Variants in FRYL observed in about 807,000 individuals in gnomAD.
The protein encoded by FRYL is FRY like transcription coactivator, also known as protein furry homolog-like.
Under a neutral mutation model 351.2 loss-of-function variants are expected in FRYL, and 150 were observed. The observed-to-expected ratio is 0.43, with a 90% CI of 0.37 to 0.49. The LOEUF (loss-of-function observed/expected upper bound fraction) is 0.49, where lower values mean the gene tolerates loss of function less well. Ranked by LOEUF, FRYL falls within the 20% of genes least tolerant of loss-of-function variation. The pLI is 0.00. For missense variants in FRYL, 3,036 were observed against 3,619.3 expected (o/e 0.84, Z 4.13); for synonymous variants, 1,153 against 1,257.1 (o/e 0.92, Z 1.75).
chr4:48,530,581 C>T (rs1395234292), intron 50 of FRYL, among the ~76,000 whole-genome samples: 1 of 152,118 alleles, frequency 6.6e-6, no homozygotes, highest in East Asian at 1.9e-4. Context: ...CTTGCCCCTT[C>T]CTATGCCTTC....
chr4:48,611,620 G>A (rs1254393960), intron 7 of FRYL, among the ~76,000 whole-genome samples: 1 of 151,804 alleles, frequency 6.6e-6, no homozygotes, highest in Non-Finnish European at 1.5e-5. Flanking sequence ...GGCTATTCTT[G>A]GCCCATTGTT....
intron 2 of FRYL, among the ~76,000 whole-genome samples, chr4:48,689,460 GA>G (rs1205268117): frequency 1.3e-5 from 2 of 152,126 alleles, no homozygotes; most frequent in African/African-American, 4.8e-5. Flanking sequence ...TAAGTACCAA[GA>G]GAAAATTTTT....
intron 1 of FRYL, among the ~76,000 whole-genome samples, chr4:48,766,352 C>A (rs1362645718): frequency 6.6e-6 from 1 of 152,124 alleles, no homozygotes; most frequent in East Asian, 1.9e-4. Context: ...TAAAAGAGGT[C>A]AGATGACAGC....
chr4:48,580,745 C>A, intron 22 of FRYL, 120 bp downstream of exon 22: 1 of 605,684 alleles, frequency 1.7e-6, no homozygotes, highest in Non-Finnish European at 2.8e-6. Flanking sequence ...TTCAAAAATA[C>A]TTTCTAACTC....
chr4:48,743,408 T>C (rs980543918), intron 1 of FRYL, among the ~76,000 whole-genome samples: 5 of 152,116 alleles, frequency 3.3e-5, no homozygotes, highest in Non-Finnish European at 5.9e-5. Context: ...TTCCATATAA[T>C]AATTCAAGAA....
chr4:48,758,931 G>A (rs2109361164), intron 1 of FRYL, among the ~76,000 whole-genome samples: 1 of 152,266 alleles, frequency 6.6e-6, no homozygotes, highest in South Asian at 2.1e-4. Context: ...GTCCTTTGTA[G>A]GGACATGGAT....
chr4:48,661,637 C>T (rs1249208863), intron 3 of FRYL, among the ~76,000 whole-genome samples: 2 of 152,220 alleles, frequency 1.3e-5, no homozygotes, highest in African/African-American at 4.8e-5. Context: ...CCTTCCAAAA[C>T]AAACAACACT....
chr4:48,589,940 G>A (rs566791378), intron 17 of FRYL, 63 bp from the exon 18 acceptor site: 5 of 1,378,740 alleles, frequency 3.6e-6, no homozygotes, highest in Non-Finnish European at 5.1e-6. Context: ...CTTACTTTCT[G>A]TAATAAAAGC....
At chr4:48,705,239 T>C (rs756956197) in intron 2 of FRYL, among the ~76,000 whole-genome samples, 76 of 152,038 alleles carry the variant, frequency 5.0e-4, no homozygotes, top group Non-Finnish European at 8.8e-5. Context: ...AGGTTATGCA[T>C]TTATATTATA....
Position 48,712,540 on chromosome 4 carries a change from C to T in FRYL, c.-383-1842G>A, listed in dbSNP as rs1768212893. On this transcript the variant is annotated intron_variant, in intron 1 of 63. Transcript: ENST00000358350. ...AGAAAAAAGAATAAAAAGAAATGAA[C>T]AAAGCCTCCAAGAAATATGGTACTG... 2.0e-5 allele frequency among the ~76,000 whole-genome samples: 3 copies of T among 152,196 alleles called. No homozygotes were observed. In the South Asian group the frequency reaches 6.2e-4, roughly 31 times the overall value.
intron 3 of FRYL, among the ~76,000 whole-genome samples, chr4:48,656,742 ATT>A (rs1312003989): frequency 1.4e-5 from 2 of 144,880 alleles, no homozygotes; most frequent in Non-Finnish European, 3.0e-5. Context: ...ATATATATAT[ATT>A]TATTTATCGC....
chr4:48,568,621 C>A (rs1737407689), intron 27 of FRYL, among the ~76,000 whole-genome samples: 1 of 151,844 alleles, frequency 6.6e-6, no homozygotes. Context: ...ATACCCTAAA[C>A]CCATGAAAAC....
chr4:48,754,158 C>G (rs1773529003), intron 1 of FRYL, among the ~76,000 whole-genome samples: 1 of 152,188 alleles, frequency 6.6e-6, no homozygotes, highest in African/African-American at 2.4e-5. Flanking sequence ...AAAGGAAACC[C>G]CATACACATA....
At chr4:48,600,031 C>G (rs74462348) in intron 13 of FRYL, among the ~76,000 whole-genome samples, 1 of 151,548 alleles carries the variant, frequency 6.6e-6, no homozygotes, top group Non-Finnish European at 1.5e-5. Flanking sequence ...CGCTTGAGTC[C>G]GGGAGGTGAA....
chr4:48,629,643 T>C (rs1271530503), intron 4 of FRYL, among the ~76,000 whole-genome samples: 1 of 151,430 alleles, frequency 6.6e-6, no homozygotes, highest in African/African-American at 2.4e-5. Context: ...GGACAGGAAG[T>C]TGGAATGGGG....
At chr4:48,636,904 T>C (rs191015072) in intron 3 of FRYL, 123 of 152,196 alleles carry the variant, frequency 8.1e-4, no homozygotes, top group African/African-American at 2.9e-3. Flanking sequence ...TTTTATAATC[T>C]AATAAACAGA....
intron 3 of FRYL, among the ~76,000 whole-genome samples, chr4:48,650,743 C>A (rs767308608): frequency 6.6e-6 from 1 of 152,078 alleles, no homozygotes; most frequent in Non-Finnish European, 1.5e-5. Context: ...CATGAAGAGC[C>A]AGCTTTTAAA....
At chr4:48,616,794 C>T (rs151329405) in intron 7 of FRYL, among the ~76,000 whole-genome samples, 2 of 152,290 alleles carry the variant, frequency 1.3e-5, no homozygotes, top group East Asian at 3.9e-4. Context: ...GACTGTGTGC[C>T]TCATCACAAT....
chr4:48,664,011 C>T (rs1183535763), intron 3 of FRYL, among the ~76,000 whole-genome samples: 2 of 152,140 alleles, frequency 1.3e-5, no homozygotes, highest in East Asian at 1.9e-4. Context: ...CAACATCAAA[C>T]ATGAAACTGT....
Sources: allele counts gnomAD v4.1 joint callset (sites outside exome capture counted in the v4.1 genomes callset), GRCh38; gene constraint gnomAD v4.1.1; transcripts MANE v1.5; gene names NCBI Gene and HGNC (gene_info 2026-07-23, HGNC 2026-07-21).